Variants in OGA observed in about 807,000 individuals in gnomAD.
OGA encodes O-GlcNAcase.
OGA carries 21 observed loss-of-function variants against 102.0 expected under a neutral mutation model. The ratio of observed to expected loss-of-function variants is 0.21; its 90% CI spans 0.15 to 0.30. The LOEUF is 0.30. Among genes scored for constraint, OGA ranks in the 10% least tolerant of loss-of-function variants. The probability of loss-of-function intolerance (pLI) is 1.00; values close to 1 mark genes in which losing one functional copy is unlikely to be tolerated. For missense variants in OGA, 765 were observed against 1,107.8 expected, an observed-to-expected ratio of 0.69 and a Z score of 4.39; for synonymous variants, 408 against 378.2, an observed-to-expected ratio of 1.08 and a Z score of -0.91.
At position 101,799,449 on chromosome 10, in the gene OGA, T is replaced by C; in HGVS notation, c.1202A>G (p.Gln401Arg). The C allele has an allele frequency of 6.2e-7, 1 of 1,606,360 alleles. No homozygotes were observed. The highest frequency in any genetic ancestry group is 1.1e-5 in the South Asian group (1 of 90,518). Residue 401 changes from glutamine (Q) to arginine (R), a missense_variant, in exon 9 of 16, where the codon CAA becomes CGA. Around this residue, in one of 7 missense-constraint regions of OGA, gnomAD observed 281 missense variants for 345.8 expected, o/e 0.81. Coordinates refer to ENST00000361464, the MANE Select transcript of OGA (RefSeq NM_012215.5). ...TGCTTTAGCTCCACTGTGTGCAACT[T>C]GCCTACCTACAAAAATAAATAAATG... ...FGVPHQYSSR[Q>R]VAHSGAKASV...
intron 1 of OGA, among the ~76,000 whole-genome samples, chr10:101,815,326 T>A (rs995190565): frequency 1.3e-5 from 2 of 152,114 alleles, no homozygotes; most frequent in African/African-American, 4.8e-5. Flanking sequence ...TCGCCCAGGC[T>A]GGAGTGCAGT....
chr10:101,806,669 A>T (rs956546312), intron 5 of OGA, among the ~76,000 whole-genome samples: 5 of 152,250 alleles, frequency 3.3e-5, no homozygotes, highest in Non-Finnish European at 7.3e-5. Context: ...TTACTAAAAA[A>T]ACAAGAACTG....
chr10:101,790,023 T>C lies in OGA; in HGVS notation c.2454+873A>G, dbSNP rs1367099525. Among the ~76,000 whole-genome samples the C allele has an allele frequency of 6.6e-5, 10 of 152,242 alleles. No individual in the cohort carries two copies. The East Asian group carries it at 1.9e-3, about 29-fold the overall frequency. On this transcript the variant is annotated intron_variant, in intron 14 of 15. Transcript: ENST00000361464. ...TGTATAAACCAAAATAATCACGTAATGTGTTGGCCAACATGGGGCATAAAA... is the reference window on the plus strand; with the variant it reads ...TGTATAAACCAAAATAATCACGTAACGTGTTGGCCAACATGGGGCATAAAA...
intron 15 of OGA, 49 bp from the exon 16 acceptor site, chr10:101,786,636 ATAAT>A: frequency 1.4e-6 from 2 of 1,383,602 alleles, no homozygotes; most frequent in Non-Finnish European, 1.9e-6. Flanking sequence ...CTTAATTAGT[ATAAT>A]TATAGATATA....
rs751045972 is a variant in OGA at position 101,807,794 on chromosome 10, G to A, written c.588C>T (p.Val196=). ...EVFSSFAHAQ[V]SITNEIYQYL... is the part of the protein sequence containing the mutation. ...ACTGATAGATTTCATTTGTGATGGA[G>A]ACTTGGGCATGAGCAAAAGAACTGA... The change falls in exon 5 of 16, where the codon GTC becomes GTT. Residue 196 remains valine (V), a synonymous_variant. Transcript: ENST00000361464. The A allele has an allele frequency of 6.2e-7, 1 of 1,612,244 alleles. No homozygotes were observed. The highest frequency in any genetic ancestry group is 8.5e-7 in the Non-Finnish European group (1 of 1,179,214).
chr10:101,809,606 G>A (rs542016951), intron 4 of OGA, among the ~76,000 whole-genome samples: 84 of 151,038 alleles, frequency 5.6e-4, no homozygotes, highest in Non-Finnish European at 1.1e-3. Context: ...AGCTACTCAG[G>A]AGGCTGAGGC....
At chr10:101,810,603 T>C (rs928664818) in intron 3 of OGA, among the ~76,000 whole-genome samples, 1 of 152,214 alleles carries the variant, frequency 6.6e-6, no homozygotes, top group Non-Finnish European at 1.5e-5. Context: ...TCTTATCCTT[T>C]TGGGGAAACA....
At chr10:101,790,181 G>A (rs1261136201) in intron 14 of OGA, among the ~76,000 whole-genome samples, 3 of 148,492 alleles carry the variant, frequency 2.0e-5, no homozygotes, top group Non-Finnish European at 4.5e-5. Flanking sequence ...CAGAAGGCAA[G>A]TTATTAACCT....
In OGA at chr10:101,802,691, C is replaced by T. The variant is rs1322181889; in HGVS notation, c.1036+1044G>A. Among the ~76,000 whole-genome samples the T allele has an allele frequency of 3.3e-5, 5 of 151,238 alleles. No individual in the cohort carries two copies. In the East Asian group the frequency reaches 5.8e-4, roughly 18 times the overall value. On this transcript the variant is annotated intron_variant, in intron 7 of 15. Coordinates refer to ENST00000361464, the MANE Select transcript of OGA (RefSeq NM_012215.5). ...TCTCAAAAAGAAAAAAAAAAAACTA[C>T]TTTATTCTTTGCCCCCTCAGTGCCC...
At chr10:101,815,254 T>C (rs1482541552) in intron 1 of OGA, among the ~76,000 whole-genome samples, 1 of 152,046 alleles carries the variant, frequency 6.6e-6, no homozygotes, top group Non-Finnish European at 1.5e-5. Context: ...AATCTAATGT[T>C]AGCCTCTCAC....
chr10:101,805,163 A>C lies in OGA; in HGVS notation c.751+882T>G, dbSNP rs150606564. 9.3e-3 allele frequency among the ~76,000 whole-genome samples: 1,419 copies of C among 152,036 alleles called. 18 individuals are homozygous for C. Among genetic ancestry groups the C allele is most frequent in the African/African-American group, 0.032 (1,347 of 41,450 alleles). On this transcript the variant is annotated intron_variant, in intron 6 of 15. Coordinates refer to ENST00000361464, the MANE Select transcript of OGA (RefSeq NM_012215.5). Reference sequence around the variant, plus strand: ...GTGATCCTTCCACCTCAGCCCCCTAAGTAGCTGGGACTACAGGTGTGCACC... The same window carrying C: ...GTGATCCTTCCACCTCAGCCCCCTACGTAGCTGGGACTACAGGTGTGCACC...
chr10:101,793,795 T>C (rs2065285733), intron 11 of OGA, 118 bp downstream of exon 11: 1 of 711,428 alleles, frequency 1.4e-6, no homozygotes, highest in Non-Finnish European at 2.4e-6. Flanking sequence ...TGTAACTAAA[T>C]TGAATTTGGG....
At chr10:101,814,088 G>A (rs1589842253) in intron 1 of OGA, among the ~76,000 whole-genome samples, 1 of 151,900 alleles carries the variant, frequency 6.6e-6, no homozygotes, top group Non-Finnish European at 1.5e-5. Flanking sequence ...AGCACTTTGG[G>A]AGGCTGAGGC....
intron 7 of OGA, among the ~76,000 whole-genome samples, chr10:101,802,124 A>T (rs1446594810): frequency 6.6e-6 from 1 of 152,050 alleles, no homozygotes; most frequent in Non-Finnish European, 1.5e-5. Flanking sequence ...CAGCCTGGGC[A>T]ACAGAGCGAG....
chr10:101,794,379 C>A (rs1183622098), intron 10 of OGA, among the ~76,000 whole-genome samples: 1 of 152,152 alleles, frequency 6.6e-6, no homozygotes, highest in Non-Finnish European at 1.5e-5. Context: ...TTTATTATCA[C>A]AGCCCATGAA....
Position 101,813,145 on chromosome 10 carries a change from T to G in OGA, c.252-18A>C, listed in dbSNP as rs1342378184. The G allele has an allele frequency of 1.3e-6, 2 of 1,522,680 alleles. No individual in the cohort carries two copies. Among genetic ancestry groups the G allele is most frequent in the Non-Finnish European group, 1.8e-6 (2 of 1,107,346 alleles). The allele number at this position is 1,522,680 out of a possible 1,614,324, so 94.3% of individuals were successfully genotyped here. A position where few individuals can be genotyped will look rare whatever the true frequency, so the allele number is the denominator to read the frequency against. ...TCTGGAGCCTTAAGGAGAAAGAAAA[T>G]TACATATGTATAAACAGGCAACATT... On this transcript the variant is annotated intron_variant, in intron 2 of 15. Coordinates refer to ENST00000361464, the MANE Select transcript of OGA (RefSeq NM_012215.5).
rs141279508 is a variant in OGA at position 101,799,360 on chromosome 10, T to C, written c.1291A>G (p.Thr431Ala). The C allele has an allele frequency of 1.9e-5, 31 of 1,614,082 alleles. No homozygotes were observed. Among genetic ancestry groups the C allele is most frequent in the Non-Finnish European group, 2.6e-5 (31 of 1,180,030 alleles). ...PSLNATTVVTTVYQEPIMSQG... is the reference protein window; with the variant it reads ...PSLNATTVVTAVYQEPIMSQG... ...CTCATAATGGGCTCCTGATAAACTG[T>C]TGTTACTACGGTTGTGGCATTTAAA... The change falls in exon 9 of 16, where the codon ACA becomes GCA. Residue 431 changes from threonine to alanine, a missense_variant. By Grantham distance (58) the Thr-to-Ala change is moderately conservative. Transcript: ENST00000361464.
In OGA at chr10:101,809,514, G is replaced by C. The variant is rs181907038; in HGVS notation, c.480+670C>G. On this transcript the variant is annotated intron_variant, in intron 4 of 15. Coordinates refer to ENST00000361464, the MANE Select transcript of OGA (RefSeq NM_012215.5). ...GTGAATCACCTAAAGTCAGGAGTTCGAGACCAGCCTGGCCAACGTGGCAAA... is the reference window on the plus strand; with the variant it reads ...GTGAATCACCTAAAGTCAGGAGTTCCAGACCAGCCTGGCCAACGTGGCAAA... 1.3e-4 allele frequency among the ~76,000 whole-genome samples: 20 copies of C among 152,126 alleles called. No homozygotes were observed. In the East Asian group the frequency reaches 3.7e-3, roughly 28 times the overall value.
chr10:101,787,579 C>G, intron 14 of OGA, 56 bp from the exon 15 acceptor site: 1 of 1,438,534 alleles, frequency 7.0e-7, no homozygotes, highest in Non-Finnish European at 9.6e-7. Flanking sequence ...GATATCTAAC[C>G]CAACTACAGA....
Sources: allele counts gnomAD v4.1 joint callset (sites outside exome capture counted in the v4.1 genomes callset), GRCh38; gene constraint gnomAD v4.1.1; regional missense constraint gnomAD v4.1.1; transcripts MANE v1.5; gene names NCBI Gene and HGNC (gene_info 2026-07-23, HGNC 2026-07-21).